Variants in RBFOX1 observed in about 807,000 individuals in gnomAD.
The protein encoded by RBFOX1 is RNA binding protein fox-1 homolog 1.
A neutral mutation model predicts 57.7 loss-of-function variants in RBFOX1; 8 were observed. That is an observed-to-expected ratio of 0.14 (90% CI 0.08 to 0.25). The LOEUF is 0.25. Among genes scored for constraint, RBFOX1 ranks in the 10% least tolerant of loss-of-function variants. RBFOX1 has a pLI of 1.00. For missense variants in RBFOX1, 611 were observed against 548.5 expected (o/e 1.11, Z -1.14); for synonymous variants, 326 against 222.4 (o/e 1.47, Z -4.15).
chr16:7,212,265 C>A (rs1218178491), intron 4 of RBFOX1, among the ~76,000 whole-genome samples: 1 of 152,168 alleles, frequency 6.6e-6, no homozygotes, highest in Non-Finnish European at 1.5e-5. Flanking sequence ...TTTGCCATCA[C>A]AGCAGCTGCC....
chr16:6,982,800 C>A (rs985289854), intron 3 of RBFOX1, among the ~76,000 whole-genome samples: 130 of 152,194 alleles, frequency 8.5e-4, no homozygotes, highest in African/African-American at 3.1e-3. Context: ...CAAGACCAGC[C>A]TGGCCAACAT....
chr16:7,152,612 T>C (rs763058583), intron 4 of RBFOX1, among the ~76,000 whole-genome samples: 1 of 152,182 alleles, frequency 6.6e-6, no homozygotes, highest in Non-Finnish European at 1.5e-5. Flanking sequence ...TTCTCTGTGG[T>C]GTCTGTCTTA....
intron 1 of RBFOX1, among the ~76,000 whole-genome samples, chr16:5,451,557 G>C (rs527751232): frequency 1.3e-5 from 2 of 152,174 alleles, no homozygotes; most frequent in African/African-American, 4.8e-5. Context: ...TCCACTTGTC[G>C]GGAAGGTGCT....
At chr16:7,329,604 G>T (rs1347398323) in intron 4 of RBFOX1, among the ~76,000 whole-genome samples, 1 of 152,156 alleles carries the variant, frequency 6.6e-6, no homozygotes, top group Admixed American at 6.5e-5. Context: ...TTTGAACGAG[G>T]ACGAAGTCAA....
At chr16:7,199,776 C>A (rs989880985) in intron 4 of RBFOX1, among the ~76,000 whole-genome samples, 4 of 152,084 alleles carry the variant, frequency 2.6e-5, no homozygotes, top group Admixed American at 2.6e-4. Context: ...CACCTTTAAT[C>A]CCAGTTTGCT....
chr16:6,920,055 T>G (rs1183457677), intron 3 of RBFOX1, among the ~76,000 whole-genome samples: 1 of 152,176 alleles, frequency 6.6e-6, no homozygotes, highest in Non-Finnish European at 1.5e-5. Context: ...CGTTCCTGAG[T>G]TACTTCACTT....
intron 3 of RBFOX1, among the ~76,000 whole-genome samples, chr16:6,840,693 C>G (rs1349237690): frequency 3.3e-5 from 5 of 151,858 alleles, no homozygotes; most frequent in African/African-American, 1.2e-4. Flanking sequence ...TCGAGACCAT[C>G]CTGGCCAACA....
At chr16:6,271,398 G>C (rs190723869) in intron 1 of RBFOX1, among the ~76,000 whole-genome samples, 2 of 151,974 alleles carry the variant, frequency 1.3e-5, no homozygotes, top group African/African-American at 2.4e-5. Context: ...ACTTCAGCTG[G>C]AGCGACAGAG....
chr16:5,932,537 G>T (rs2059083606), intron 4 of RBFOX1, among the ~76,000 whole-genome samples: 1 of 152,206 alleles, frequency 6.6e-6, no homozygotes, highest in Non-Finnish European at 1.5e-5. Context: ...AACTGTGAGC[G>T]AATGAGTGAG....
intron 3 of RBFOX1, among the ~76,000 whole-genome samples, chr16:5,615,343 T>G (rs62016931): frequency 4.6e-5 from 7 of 152,206 alleles, no homozygotes; most frequent in Non-Finnish European, 8.8e-5. Context: ...TGAGTTTTTT[T>G]GACAAGCTAA....
Position 5,974,496 on chromosome 16 carries a change from G to A in RBFOX1, c.351+107161G>A, listed in dbSNP as rs551583025. On this transcript the variant is annotated intron_variant, in intron 4 of 19. Transcript: ENST00000641259. ...GTGGTGGTGTGCACCTGTAATCCCA[G>A]CTACTCGGGAGGCTGAGGCAGGAGA... 1.4e-4 allele frequency among the ~76,000 whole-genome samples: 21 copies of A among 152,172 alleles called. No homozygotes were observed. In the South Asian group the frequency reaches 3.5e-3, roughly 26 times the overall value.
intron 1 of RBFOX1, among the ~76,000 whole-genome samples, chr16:6,105,350 C>G (rs1291535726): frequency 6.6e-6 from 1 of 151,948 alleles, no homozygotes; most frequent in Non-Finnish European, 1.5e-5. Flanking sequence ...TTGCATATAC[C>G]GTGACTCAAA....
At chr16:7,706,033 T>G (rs1241881581) in intron 14 of RBFOX1, among the ~76,000 whole-genome samples, 1 of 152,102 alleles carries the variant, frequency 6.6e-6, no homozygotes, top group East Asian at 1.9e-4. Flanking sequence ...ACATCCTGGG[T>G]ATTGCTGTGC....
intron 3 of RBFOX1, among the ~76,000 whole-genome samples, chr16:7,040,004 T>TATTATTATTATTATTATTATC (rs1362803100): frequency 8.1e-6 from 1 of 123,138 alleles, no homozygotes; most frequent in African/African-American, 3.5e-5. Flanking sequence ...GGAGTTATTT[T>TATTATTATTATTATTATTATC]ATTATTATTA....
At chr16:6,792,993 C>T (rs915101618) in intron 3 of RBFOX1, among the ~76,000 whole-genome samples, 3 of 148,888 alleles carry the variant, frequency 2.0e-5, no homozygotes, top group Non-Finnish European at 3.0e-5. Flanking sequence ...TGCATCACTG[C>T]ACTGCAGGCT....
intron 1 of RBFOX1, among the ~76,000 whole-genome samples, chr16:5,299,918 AG>A (rs1264374240): frequency 1.3e-5 from 2 of 152,056 alleles, no homozygotes; most frequent in African/African-American, 4.8e-5. Context: ...TGTTAGCTGT[AG>A]TTTTTTTTAA....
chr16:6,539,806 GACACAC>G (rs35407844), intron 2 of RBFOX1, among the ~76,000 whole-genome samples: 6 of 136,326 alleles, frequency 4.4e-5, no homozygotes, highest in African/African-American at 1.3e-4. Flanking sequence ...TCAAAACACA[GACACAC>G]ACACACACAC....
At chr16:7,387,892 C>G (rs989926062) in intron 4 of RBFOX1, among the ~76,000 whole-genome samples, 3 of 152,108 alleles carry the variant, frequency 2.0e-5, no homozygotes, top group African/African-American at 7.2e-5. Flanking sequence ...TGTTTTTGTG[C>G]TGTCTTTGAT....
At chr16:5,950,656 C>T (rs552025205) in intron 4 of RBFOX1, among the ~76,000 whole-genome samples, 6 of 152,214 alleles carry the variant, frequency 3.9e-5, no homozygotes, top group Admixed American at 1.3e-4. Flanking sequence ...TTATTTTGCA[C>T]TTACCTGGCC....
Sources: gnomAD v4.1 joint callset for allele counts (sites outside exome capture counted in the v4.1 genomes callset) on GRCh38, gnomAD v4.1.1 for gene constraint, MANE v1.5 for transcripts, NCBI Gene and HGNC (gene_info 2026-07-23, HGNC 2026-07-21) for gene names.